ATXN7L1: variants seen among roughly 807,000 people sequenced by gnomAD.
The protein encoded by ATXN7L1 is ataxin-7-like protein 1.
Under a neutral mutation model 70.8 loss-of-function variants are expected in ATXN7L1, and 15 were observed. That is an observed-to-expected ratio of 0.21 (90% CI 0.14 to 0.33). The LOEUF (loss-of-function observed/expected upper bound fraction) is 0.33, where lower values mean the gene tolerates loss of function less well. ATXN7L1 is among the 10% of genes least tolerant of loss of function. ATXN7L1 has a pLI of 1.00. For synonymous variants in ATXN7L1, 440 were observed against 445.1 expected (o/e 0.99, Z 0.14); for missense variants, 975 against 1,097.1 (o/e 0.89, Z 1.57).
intron 3 of ATXN7L1, chr7:105,760,251 T>G: frequency 2.0e-6 from 2 of 982,106 alleles, no homozygotes; most frequent in Non-Finnish European, 2.4e-6. Context: ...TGACAAAGGA[T>G]ATTTATGTAT....
At chr7:105,613,525 A>G in intron 10 of ATXN7L1, 1 of 1,223,456 alleles carries the variant, frequency 8.2e-7, no homozygotes, top group East Asian at 4.1e-5. Flanking sequence ...AAAAGATAAA[A>G]CTGACCGATG....
intron 2 of ATXN7L1, among the ~76,000 whole-genome samples, chr7:105,835,153 T>TTTG (rs1270958874): frequency 7.4e-6 from 1 of 135,992 alleles, no homozygotes; most frequent in African/African-American, 2.8e-5. Context: ...TGTGTGGTTT[T>TTTG]TTTTTTTTTT....
At chr7:105,669,650 CG>C (rs1305878854) in intron 3 of ATXN7L1, among the ~76,000 whole-genome samples, 2 of 152,154 alleles carry the variant, frequency 1.3e-5, no homozygotes, top group East Asian at 3.9e-4. Context: ...AGGCCCAGCA[CG>C]GTGGCTCACG....
In ATXN7L1 at chr7:105,761,367, G is replaced by A. The variant is rs139078001; in HGVS notation, c.355+27237C>T. ...TTCAGAAGTTGTACGTCTCTTCTGCGTTTTCCATTCTCACACCTGATGCTT... is the reference window on the plus strand; with the variant it reads ...TTCAGAAGTTGTACGTCTCTTCTGCATTTTCCATTCTCACACCTGATGCTT... On this transcript the variant is annotated intron_variant, in intron 3 of 11. Coordinates refer to ENST00000419735, the MANE Select transcript of ATXN7L1 (RefSeq NM_020725.2). The A allele has an allele frequency of 1.0e-4, 167 of 1,613,900 alleles. 1 individual carries two copies. The East Asian group carries it at 2.3e-3, about 22-fold the overall frequency.
rs189472990 is a variant in ATXN7L1, at chr7:105,628,178, C to T, written c.1203-3911G>A. Among the ~76,000 whole-genome samples, 81 of 152,182 alleles carry T rather than the reference C, an allele frequency of 5.3e-4. 1 individual carries two copies. The highest frequency in any genetic ancestry group is 1.0e-3 in the Non-Finnish European group (70 of 68,018). ...TTTAAAAGATGCATTTGGAAGGCGT[C>T]TGAGGTGAAATGCCATGGTACTTGC... On this transcript the variant is annotated intron_variant, in intron 7 of 11. Coordinates refer to ENST00000419735, the MANE Select transcript of ATXN7L1 (RefSeq NM_020725.2).
Position 105,788,659 on chromosome 7 carries a change from T to C in ATXN7L1, c.300A>G (p.Val100=). The change falls in exon 3 of 12, where the codon GTA becomes GTG. Residue 100 remains valine, a synonymous_variant. Coordinates refer to ENST00000419735, the MANE Select transcript of ATXN7L1 (RefSeq NM_020725.2). ...HYPAHDDFYL[V]VCSACNQVVK... ...CGACCTGGTTACAGGCACTGCACACTACGAGATAGAAGTCGTCATGTGCTG... is the reference window on the plus strand; with the variant it reads ...CGACCTGGTTACAGGCACTGCACACCACGAGATAGAAGTCGTCATGTGCTG... 1.2e-6 allele frequency: 2 copies of C among 1,614,050 alleles called. No individual in the cohort carries two copies. The highest frequency in any genetic ancestry group is 1.3e-5 in the African/African-American group (1 of 75,030).
chr7:105,712,336 C>A (rs1173585678), intron 3 of ATXN7L1, among the ~76,000 whole-genome samples: 1 of 152,230 alleles, frequency 6.6e-6, no homozygotes, highest in Non-Finnish European at 1.5e-5. Context: ...TTTAATTATG[C>A]AAATTTCTGC....
At chr7:105,761,405 G>A in intron 3 of ATXN7L1, 1 of 1,614,120 alleles carries the variant, frequency 6.2e-7, no homozygotes, top group Non-Finnish European at 8.5e-7. Context: ...CTATGGCTTG[G>A]CTGCTCTCTG....
intron 3 of ATXN7L1, among the ~76,000 whole-genome samples, chr7:105,685,088 A>AATAAG (rs1563001698): frequency 2.6e-4 from 34 of 129,884 alleles, no homozygotes; most frequent in African/African-American, 9.3e-4. Context: ...ATAATAATAA[A>AATAAG]TGGTTTTCCA....
At chr7:105,721,136 G>T (rs1795136372) in intron 3 of ATXN7L1, among the ~76,000 whole-genome samples, 2 of 152,144 alleles carry the variant, frequency 1.3e-5, no homozygotes, top group South Asian at 4.1e-4. Flanking sequence ...AGAACACGGG[G>T]TCCCTGACTG....
intron 3 of ATXN7L1, among the ~76,000 whole-genome samples, chr7:105,768,996 T>C (rs1024458480): frequency 1.3e-5 from 2 of 152,216 alleles, no homozygotes; most frequent in Non-Finnish European, 2.9e-5. Context: ...GAAAATGCAG[T>C]TGTGGGGAGT....
At chr7:105,836,569 A>G (rs971332712) in intron 2 of ATXN7L1, among the ~76,000 whole-genome samples, 1 of 152,190 alleles carries the variant, frequency 6.6e-6, no homozygotes, top group African/African-American at 2.4e-5. Flanking sequence ...AGGTGGCATA[A>G]GCATCCCCAG....
intron 3 of ATXN7L1, among the ~76,000 whole-genome samples, chr7:105,669,874 G>A (rs1055748027): frequency 1.4e-5 from 2 of 138,558 alleles, no homozygotes; most frequent in East Asian, 2.1e-4. Flanking sequence ...AGCCGAGATC[G>A]AACCATTGCA....
intron 3 of ATXN7L1, among the ~76,000 whole-genome samples, chr7:105,785,283 T>C (rs758818997): frequency 1.3e-5 from 2 of 152,172 alleles, no homozygotes; most frequent in Admixed American, 6.5e-5. Flanking sequence ...CTGGCCAACA[T>C]GGCAAAACCC....
intron 3 of ATXN7L1, among the ~76,000 whole-genome samples, chr7:105,671,749 T>A (rs1428207371): frequency 6.6e-6 from 1 of 151,430 alleles, no homozygotes; most frequent in Non-Finnish European, 1.5e-5. Flanking sequence ...TTAAAAACAA[T>A]CAGCCAGGTG....
rs1554376702 is a variant in ATXN7L1, at chr7:105,605,486, G to GT, written c.*2365dup. ...GCATTCGATGAGGGTGGGGGGGGGG[G>GT]TGGGGGCTCTTTATTCCAGCTTCCA... On this transcript the variant is annotated 3_prime_UTR_variant, in exon 12 of 12. Coordinates refer to ENST00000419735, the MANE Select transcript of ATXN7L1 (RefSeq NM_020725.2). 2.8e-4 allele frequency: 13 copies of GT among 47,124 alleles called. No individual in the cohort carries two copies. Among genetic ancestry groups the GT allele is most frequent in the African/African-American group, 8.5e-4 (11 of 12,976 alleles). The allele number at this position is 47,124 out of a possible 1,614,324, so 2.9% of individuals were successfully genotyped here.
intron 3 of ATXN7L1, among the ~76,000 whole-genome samples, chr7:105,759,621 C>T (rs929804561): frequency 6.6e-6 from 1 of 152,034 alleles, no homozygotes; most frequent in Non-Finnish European, 1.5e-5. Context: ...AAGGCCCTGT[C>T]TACACATCCA....
chr7:105,670,716 C>A (rs1803416754), intron 3 of ATXN7L1, among the ~76,000 whole-genome samples: 1 of 151,736 alleles, frequency 6.6e-6, no homozygotes. Context: ...GTAATCCCAG[C>A]ACTTTGGGAG....
rs185496306 is a variant in ATXN7L1, at chr7:105,796,258, G to A, written c.251-7550C>T. On this transcript the variant is annotated intron_variant, in intron 2 of 11. Transcript: ENST00000419735. ...CGCACCTGTAGTCCCAGCTACTTGGGAGGCTGAGGCAGGAGAATAGCTTGA... is the reference window on the plus strand; with the variant it reads ...CGCACCTGTAGTCCCAGCTACTTGGAAGGCTGAGGCAGGAGAATAGCTTGA... 2.2e-3 allele frequency among the ~76,000 whole-genome samples: 337 copies of A among 152,344 alleles called. 1 individual carries two copies. The highest frequency in any genetic ancestry group is 3.8e-3 in the Non-Finnish European group (258 of 68,038).
Sources: allele counts gnomAD v4.1 joint callset (sites outside exome capture counted in the v4.1 genomes callset), GRCh38; gene constraint gnomAD v4.1.1; transcripts MANE v1.5; gene names NCBI Gene and HGNC (gene_info 2026-07-23, HGNC 2026-07-21).